The following OR51B5 variants were observed in gnomAD, a reference collection of about 807,000 sequenced individuals.
The protein encoded by OR51B5 is olfactory receptor family 51 subfamily B member 5, also known as olfactory receptor 51B5.
For synonymous variants in OR51B5, 186 were observed against 144.8 expected, an observed-to-expected ratio of 1.28 and a Z score of -2.04; for missense variants, 456 against 374.6, an observed-to-expected ratio of 1.22 and a Z score of -1.79.
At chr11:5,450,293 G>A (rs1191108358) in intron 1 of OR51B5, among the ~76,000 whole-genome samples, 2 of 152,090 alleles carry the variant, frequency 1.3e-5, no homozygotes, top group African/African-American at 2.4e-5. Context: ...GGAGGCTGGG[G>A]CACAAGAATC....
intron 1 of OR51B5, among the ~76,000 whole-genome samples, chr11:5,348,625 T>C (rs990864295): frequency 6.6e-6 from 1 of 152,068 alleles, no homozygotes; most frequent in Non-Finnish European, 1.5e-5. Context: ...TGGAAAGGTT[T>C]ATATTGTGTA....
At chr11:5,374,046 CCT>C (rs1219991043) in intron 1 of OR51B5, among the ~76,000 whole-genome samples, 1 of 152,170 alleles carries the variant, frequency 6.6e-6, no homozygotes, top group African/African-American at 2.4e-5. Flanking sequence ...GTCCCTGACC[CCT>C]GACCCCCGAG....
chr11:5,500,147 C>T (rs114044824), intron 1 of OR51B5, among the ~76,000 whole-genome samples: 1,551 of 152,266 alleles, frequency 0.01, 30 homozygotes, highest in African/African-American at 0.032. Flanking sequence ...TGGGGATCTA[C>T]GCCCACCTAC....
chr11:5,451,119 A>G (rs905533664), intron 1 of OR51B5, among the ~76,000 whole-genome samples: 18 of 152,238 alleles, frequency 1.2e-4, no homozygotes, highest in African/African-American at 3.9e-4. Flanking sequence ...CATGCGTTCA[A>G]TAAGTATTCA....
intron 1 of OR51B5, among the ~76,000 whole-genome samples, chr11:5,394,976 A>G (rs947827999): frequency 8.5e-5 from 13 of 152,214 alleles, no homozygotes; most frequent in South Asian, 2.1e-4. Flanking sequence ...AAAGACAAAA[A>G]AGAGGATTGA....
intron 1 of OR51B5, among the ~76,000 whole-genome samples, chr11:5,452,157 T>A (rs12288187): frequency 0.12 from 18,608 of 152,110 alleles, 1,480 homozygotes; most frequent in Admixed American, 0.18. Context: ...ATCCTGCATA[T>A]ATGTCAGTGC....
At chr11:5,459,552 T>C (rs1851015029) in intron 1 of OR51B5, among the ~76,000 whole-genome samples, 1 of 152,022 alleles carries the variant, frequency 6.6e-6, no homozygotes, top group Admixed American at 6.6e-5. Flanking sequence ...ATAAAAACCA[T>C]TAAAAAGTGG....
chr11:5,491,620 G>A (rs994018188), intron 1 of OR51B5, among the ~76,000 whole-genome samples: 3 of 152,116 alleles, frequency 2.0e-5, no homozygotes, highest in Admixed American at 6.5e-5. Flanking sequence ...AAGAAGACAC[G>A]GGCAGCCCTT....
intron 1 of OR51B5, chr11:5,440,982 T>C (rs746573144): frequency 3.1e-6 from 5 of 1,613,534 alleles, no homozygotes; most frequent in Non-Finnish European, 4.2e-6. Flanking sequence ...ACAGTAGGAG[T>C]GATGCAAAAC....
In OR51B5 at chr11:5,423,028, TATC is replaced by T. The variant is rs1355616210; in HGVS notation, n.85-76121_85-76119del. ...AGCATGCCTCTCCACTGGTCCATGT[TATC>T]ATGGCCAATATCTACCTGCTGGCAC... On this transcript the variant is annotated intron_variant and non_coding_transcript_variant, in intron 1 of 4. Transcript: ENST00000415970. 3.7e-6 allele frequency: 6 copies of T among 1,614,110 alleles called. No homozygotes were observed. In the African/African-American group the frequency reaches 6.7e-5, roughly 18 times the overall value.
intron 1 of OR51B5, among the ~76,000 whole-genome samples, chr11:5,461,868 G>A (rs898281487): frequency 6.6e-6 from 1 of 152,146 alleles, no homozygotes; most frequent in Non-Finnish European, 1.5e-5. Context: ...GCCTGTTTCA[G>A]CATCCTCCTG....
intron 1 of OR51B5, among the ~76,000 whole-genome samples, chr11:5,424,665 C>G (rs1278168861): frequency 2.6e-5 from 4 of 151,994 alleles, no homozygotes; most frequent in Non-Finnish European, 5.9e-5. Flanking sequence ...TGGCTGCCTC[C>G]TGTCTCTGTA....
intron 1 of OR51B5, among the ~76,000 whole-genome samples, chr11:5,388,202 T>C (rs1849731279): frequency 6.6e-6 from 1 of 152,102 alleles, no homozygotes; most frequent in South Asian, 2.1e-4. Flanking sequence ...TCCAATGATA[T>C]GGTGGCTAAA....
At chr11:5,495,774 A>G (rs1238283988) in intron 1 of OR51B5, among the ~76,000 whole-genome samples, 1 of 152,214 alleles carries the variant, frequency 6.6e-6, no homozygotes, top group South Asian at 2.1e-4. Flanking sequence ...ACATTCTCCA[A>G]TCAAAACATA....
intron 1 of OR51B5, among the ~76,000 whole-genome samples, chr11:5,348,526 A>G (rs1294161540): frequency 6.6e-6 from 1 of 152,132 alleles, no homozygotes; most frequent in Non-Finnish European, 1.5e-5. Context: ...CTAATAAACC[A>G]ATTCAAAATT....
At chr11:5,411,243 CTATGTTTAGA>C (rs1461453755) in intron 1 of OR51B5, among the ~76,000 whole-genome samples, 1 of 152,120 alleles carries the variant, frequency 6.6e-6, no homozygotes, top group East Asian at 1.9e-4. Flanking sequence ...TATACCTTTT[CTATGTTTAGA>C]TATGTTTAGA....
At chr11:5,489,225 T>A (rs1851541314) in intron 1 of OR51B5, 1 of 1,613,902 alleles carries the variant, frequency 6.2e-7, no homozygotes, top group African/African-American at 1.3e-5. Flanking sequence ...CCTACTGTGG[T>A]CACCGTGTCA....
chr11:5,398,555 C>T (rs1334422777), intron 1 of OR51B5, among the ~76,000 whole-genome samples: 1 of 152,160 alleles, frequency 6.6e-6, no homozygotes, highest in Non-Finnish European at 1.5e-5. Flanking sequence ...GTGGTGAGTG[C>T]ACAAGCCCAT....
intron 1 of OR51B5, chr11:5,355,119 T>C: frequency 5.5e-6 from 1 of 181,678 alleles, no homozygotes; most frequent in Non-Finnish European, 1.2e-5. Flanking sequence ...TTACGGACTA[T>C]GACAGTGCCT....
Sources: gnomAD v4.1 joint callset for allele counts (sites outside exome capture counted in the v4.1 genomes callset) on GRCh38, gnomAD v4.1.1 for gene constraint, MANE v1.5 for transcripts, NCBI Gene and HGNC (gene_info 2026-07-23, HGNC 2026-07-21) for gene names.